The following VIL1 variants were observed in gnomAD, a reference collection of about 807,000 sequenced individuals.
VIL1 encodes villin-1.
VIL1 carries 86 observed loss-of-function variants against 104.0 expected under a neutral mutation model. That is an observed-to-expected ratio of 0.83 (90% confidence interval 0.69 to 0.99). The LOEUF (loss-of-function observed/expected upper bound fraction) is 0.99, where lower values mean the gene tolerates loss of function less well. Ranked by LOEUF, VIL1 falls within the 50% of genes least tolerant of loss-of-function variation. VIL1 has a pLI of 0.00. For synonymous variants in VIL1, 394 were observed against 412.6 expected (o/e 0.95, Z 0.55); for missense variants, 944 against 1,054.1 (o/e 0.90, Z 1.45).
At chr2:218,437,575 A>G (rs989324100) in intron 17 of VIL1, among the ~76,000 whole-genome samples, 4 of 152,224 alleles carry the variant, frequency 2.6e-5, no homozygotes, top group Non-Finnish European at 5.9e-5. Context: ...TATAGGTAAG[A>G]AATGTACTGA....
rs1689061941 is a variant in VIL1 at position 218,429,624 on chromosome 2, G to A, written c.798G>A (p.Val266=). 1 of 1,613,996 alleles carries A rather than the reference G, an allele frequency of 6.2e-7. No individual in the cohort carries two copies. The highest frequency in any genetic ancestry group is 1.3e-5 in the African/African-American group (1 of 74,924). The part of the protein sequence containing the change: ...YHVSDSEGNL[V]VREVATRPLT... ...TGTCTGACTCCGAGGGGAATCTGGT[G>A]GTGAGGGAAGTCGCCACACGGCCAC... Residue 266 remains valine (V), a synonymous_variant, in exon 8 of 20, where the codon GTG becomes GTA. Coordinates refer to ENST00000248444, the MANE Select transcript of VIL1 (RefSeq NM_007127.3).
At chr2:218,448,677 A>G (rs1559152128) in intron 19 of VIL1, among the ~76,000 whole-genome samples, 1 of 152,014 alleles carries the variant, frequency 6.6e-6, no homozygotes, top group African/African-American at 2.4e-5. Flanking sequence ...GAAAATCTCA[A>G]TCTACCACAC....
intron 1 of VIL1, among the ~76,000 whole-genome samples, chr2:218,422,505 G>A (rs1017507782): frequency 9.2e-5 from 14 of 152,162 alleles, no homozygotes; most frequent in South Asian, 2.1e-4. Flanking sequence ...ACAGTTACAC[G>A]GCAAGCTGCT....
Position 218,449,271 on chromosome 2 carries a change from G to C in VIL1, c.2419G>C (p.Ala807Pro), listed in dbSNP as rs765947166. 8 of 1,614,042 alleles carry C rather than the reference G, an allele frequency of 5.0e-6. No homozygotes were observed. The highest frequency in any genetic ancestry group is 4.4e-5 in the South Asian group (4 of 91,080). ...DFTQAFGMTPAAFSALPRWKQ... is the reference protein window; with the variant it reads ...DFTQAFGMTPPAFSALPRWKQ... ...CACTCAGGCCTTTGGGATGACTCCA[G>C]CTGCCTTCTCTGCTCTGCCTCGATG... The change falls in exon 20 of 20, where the codon GCT becomes CCT. Residue 807 changes from alanine to proline, a missense_variant. Transcript: ENST00000248444.
rs930791989 is a variant in VIL1 at position 218,449,539 on chromosome 2, A to G, written c.*203A>G. The G allele has an allele frequency of 4.1e-6, 2 of 486,214 alleles. No homozygotes were observed. The highest frequency in any genetic ancestry group is 3.9e-5 in the African/African-American group (2 of 51,354). 30.1% of individuals were successfully genotyped at this position (486,214 alleles called of 1,614,324 possible). On this transcript the variant is annotated 3_prime_UTR_variant, in exon 20 of 20. Transcript: ENST00000248444. ...ACCCCAAAAGGAGCCTATGGTCCTC[A>G]TTTCAACTTCTAAGGTCGCTAGATT...
At chr2:218,419,811 C>A (rs1419707276) in intron 1 of VIL1, among the ~76,000 whole-genome samples, 13 of 152,206 alleles carry the variant, frequency 8.5e-5, no homozygotes, top group Non-Finnish European at 4.4e-5. Flanking sequence ...TTGGCCTCCC[C>A]AGCCACTGTG....
Position 218,449,408 on chromosome 2 carries a change from C to A in VIL1, c.*72C>A. The A allele has an allele frequency of 7.8e-7, 1 of 1,274,158 alleles. No individual in the cohort carries two copies. Among genetic ancestry groups the A allele is most frequent in the Non-Finnish European group, 1.1e-6 (1 of 878,162 alleles). The allele number at this position is 1,274,158 out of a possible 1,614,324, so 78.9% of individuals were successfully genotyped here. On this transcript the variant is annotated 3_prime_UTR_variant, in exon 20 of 20. Transcript: ENST00000248444. ...GTCTCATTTTCTCACCGATATTAGTCCTACACCAATTGAAGTGAAATTTTG... is the reference window on the plus strand; with the variant it reads ...GTCTCATTTTCTCACCGATATTAGTACTACACCAATTGAAGTGAAATTTTG...
In VIL1 at chr2:218,428,241, G is replaced by C. The variant is rs771148353; in HGVS notation, c.471G>C (p.Trp157Cys). The C allele has an allele frequency of 5.0e-6, 8 of 1,614,142 alleles. No homozygotes were observed. The South Asian group carries it at 7.7e-5, about 16-fold the overall frequency. The change falls in exon 6 of 20, where the codon TGG becomes TGC. Residue 157 changes from tryptophan to cysteine, a missense_variant. Coordinates refer to ENST00000248444, the MANE Select transcript of VIL1 (RefSeq NM_007127.3). Reference protein sequence around the residue: ...NVVAGEVEMSWKSFNRGDVFL... With the variant: ...NVVAGEVEMSCKSFNRGDVFL... ...TGGCTCCCTAGGTAGAGATGTCCTG[G>C]AAGAGTTTCAACCGAGGGGATGTTT...
At chr2:218,424,639 A>G (rs1455094384) in intron 3 of VIL1, among the ~76,000 whole-genome samples, 2 of 151,558 alleles carry the variant, frequency 1.3e-5, no homozygotes, top group Admixed American at 1.3e-4. Flanking sequence ...ACATTTCCAC[A>G]ATCCATAGTC....
intron 13 of VIL1, among the ~76,000 whole-genome samples, chr2:218,433,390 G>A (rs920061021): frequency 6.6e-6 from 1 of 151,476 alleles, no homozygotes; most frequent in South Asian, 2.1e-4. Flanking sequence ...AGCCGAGATT[G>A]TGCCAATGCA....
chr2:218,434,797 TG>T, intron 14 of VIL1, 92 bp downstream of exon 14: 1 of 1,396,608 alleles, frequency 7.2e-7, no homozygotes, highest in South Asian at 1.4e-5. Flanking sequence ...CAGGAACCCC[TG>T]GCCAACTAAG....
chr2:218,424,292 C>A lies in VIL1; in HGVS notation c.91C>A (p.Pro31Thr), dbSNP rs1409667417. The A allele has an allele frequency of 1.2e-6, 2 of 1,613,926 alleles. No homozygotes were observed. Among genetic ancestry groups the A allele is most frequent in the Non-Finnish European group, 1.7e-6 (2 of 1,180,008 alleles). ...IWRIEAMQMVPVPSSTFGSFF... is the reference protein window; with the variant it reads ...IWRIEAMQMVTVPSSTFGSFF... ...CTCTCCTTAGGCCATGCAGATGGTGCCTGTTCCTTCCAGCACCTTTGGAAG... is the reference window on the plus strand; with the variant it reads ...CTCTCCTTAGGCCATGCAGATGGTGACTGTTCCTTCCAGCACCTTTGGAAG... Residue 31 changes from proline to threonine, a missense_variant, in exon 3 of 20, where the codon CCT (proline) becomes ACT (threonine). Coordinates refer to ENST00000248444, the MANE Select transcript of VIL1 (RefSeq NM_007127.3).
rs778021218 is a variant in VIL1, at chr2:218,449,335, G to C, written c.2483G>C (p.Ter828SerextTer3). The C allele has an allele frequency of 1.2e-6, 2 of 1,609,512 alleles. No individual in the cohort carries two copies. Among genetic ancestry groups the C allele is most frequent in the Non-Finnish European group, 1.7e-6 (2 of 1,175,914 alleles). ...QNLKKEKGLF[*>S] is the part of the protein sequence containing the mutation. ...CTCAAGAAAGAAAAAGGACTATTTT[G>C]AGAAGAGTAGCTGTGGTTGTAAAGC... Residue 828 changes from the stop codon to serine, a stop_lost, in exon 20 of 20, where the codon TGA becomes TCA. Coordinates refer to ENST00000248444, the MANE Select transcript of VIL1 (RefSeq NM_007127.3).
intron 1 of VIL1, among the ~76,000 whole-genome samples, chr2:218,419,510 T>C (rs1405612512): frequency 1.3e-5 from 2 of 152,128 alleles, no homozygotes; most frequent in African/African-American, 4.8e-5. Context: ...TTGGTCTCCC[T>C]GACCTCACTC....
At chr2:218,444,499 C>T (rs1055625925) in intron 19 of VIL1, among the ~76,000 whole-genome samples, 2 of 150,858 alleles carry the variant, frequency 1.3e-5, no homozygotes, top group Non-Finnish European at 3.0e-5. Context: ...AGGATGGTCT[C>T]GATCTCCCGA....
At chr2:218,431,091 G>A (rs1025141522) in intron 10 of VIL1, 7 of 661,736 alleles carry the variant, frequency 1.1e-5, no homozygotes, top group African/African-American at 9.2e-5. Flanking sequence ...GCACATGCCT[G>A]TAATCCCAGC....
intron 17 of VIL1, 91 bp from the exon 18 acceptor site, chr2:218,438,567 C>T: frequency 8.0e-7 from 1 of 1,250,408 alleles, no homozygotes; most frequent in Non-Finnish European, 1.1e-6. Context: ...GGCCCCAGAC[C>T]AGCCTTCTTT....
chr2:218,436,699 G>C, intron 16 of VIL1, 73 bp downstream of exon 16: 1 of 1,539,762 alleles, frequency 6.5e-7, no homozygotes, highest in Non-Finnish European at 8.8e-7. Context: ...GTGGCTTTAA[G>C]GTTAGGTAAG....
chr2:218,450,890 CAT>C lies in VIL1; in HGVS notation c.*1558_*1559del, dbSNP rs1034545707. The C allele has an allele frequency of 3.3e-5, 5 of 152,132 alleles. No individual in the cohort carries two copies. The highest frequency in any genetic ancestry group is 1.2e-4 in the African/African-American group (5 of 41,430). The allele number at this position is 152,132 out of a possible 1,614,324, so 9.4% of individuals were successfully genotyped here. The stretch of plus-strand genomic sequence containing the variant: ...AAATAAAAACTCCATACACCTCAGA[CAT>C]ATAGCACACATGGAGACAACTTACT... On this transcript the variant is annotated 3_prime_UTR_variant, in exon 20 of 20. Transcript: ENST00000248444.
Sources: allele counts gnomAD v4.1 joint callset (sites outside exome capture counted in the v4.1 genomes callset), GRCh38; gene constraint gnomAD v4.1.1; transcripts MANE v1.5; gene names NCBI Gene and HGNC (gene_info 2026-07-23, HGNC 2026-07-21).